SLC25A12: variants seen among roughly 807,000 people sequenced by gnomAD.
SLC25A12 encodes electrogenic aspartate/glutamate antiporter SLC25A12, mitochondrial.
In SLC25A12, 32 loss-of-function variants were observed where a neutral mutation model predicts 83.3. The ratio of observed to expected loss-of-function variants is 0.38; its 90% CI spans 0.29 to 0.52. The LOEUF (loss-of-function observed/expected upper bound fraction) is 0.52, where lower values mean the gene tolerates loss of function less well. Among genes scored for constraint, SLC25A12 ranks in the 20% least tolerant of loss-of-function variants. SLC25A12 has a pLI of 0.84. For synonymous variants in SLC25A12, 267 were observed against 291.1 expected, an observed-to-expected ratio of 0.92 and a Z score of 0.84; for missense variants, 611 against 835.6, an observed-to-expected ratio of 0.73 and a Z score of 3.31.
At chr2:171,855,122 T>C (rs951004441) in intron 4 of SLC25A12, among the ~76,000 whole-genome samples, 1 of 152,162 alleles carries the variant, frequency 6.6e-6, no homozygotes, top group African/African-American at 2.4e-5. Flanking sequence ...CTACATGGCT[T>C]TTATTGAAAA....
intron 2 of SLC25A12, among the ~76,000 whole-genome samples, chr2:171,883,000 T>G (rs1237768430): frequency 2.0e-5 from 3 of 152,180 alleles, no homozygotes; most frequent in Non-Finnish European, 4.4e-5. Flanking sequence ...TACAACATCT[T>G]AGAACCTCAT....
chr2:171,819,160 ATATAATACGTATTATATATG>A (rs1175935200), intron 9 of SLC25A12, among the ~76,000 whole-genome samples: 5 of 139,110 alleles, frequency 3.6e-5, no homozygotes, highest in South Asian at 2.1e-4. Flanking sequence ...AATATATGAT[ATATAATACGTATTATATATG>A]TATAATACGT....
intron 2 of SLC25A12, among the ~76,000 whole-genome samples, chr2:171,875,566 C>T (rs1685546244): frequency 6.6e-6 from 1 of 152,058 alleles, no homozygotes; most frequent in South Asian, 2.1e-4. Context: ...ATCTGGATGA[C>T]AGGATCAACA....
chr2:171,869,605 C>A (rs1685414467), intron 2 of SLC25A12, among the ~76,000 whole-genome samples: 1 of 152,016 alleles, frequency 6.6e-6, no homozygotes, highest in African/African-American at 2.4e-5. Context: ...TTTTTTACAT[C>A]AATAATTTTT....
At chr2:171,838,093 C>T (rs1244938931) in intron 5 of SLC25A12, among the ~76,000 whole-genome samples, 1 of 152,164 alleles carries the variant, frequency 6.6e-6, no homozygotes, top group African/African-American at 2.4e-5. Flanking sequence ...GCAAACATAA[C>T]AATGGTGCTG....
At chr2:171,880,429 T>G (rs1382741880) in intron 2 of SLC25A12, among the ~76,000 whole-genome samples, 1 of 151,918 alleles carries the variant, frequency 6.6e-6, no homozygotes, top group African/African-American at 2.4e-5. Flanking sequence ...ATTACAGGCA[T>G]GCACCACCAC....
At chr2:171,844,128 A>C (rs1021990404) in intron 5 of SLC25A12, among the ~76,000 whole-genome samples, 5 of 152,200 alleles carry the variant, frequency 3.3e-5, no homozygotes, top group Non-Finnish European at 7.3e-5. Flanking sequence ...GGATACAATT[A>C]AAAAGTATTT....
rs777792260 is a variant in SLC25A12 at position 171,888,160 on chromosome 2, T to C, written c.66+5045A>G. Among the ~76,000 whole-genome samples the C allele has an allele frequency of 6.0e-5, 9 of 150,546 alleles. No individual in the cohort carries two copies. In the South Asian group the frequency reaches 1.1e-3, roughly 18 times the overall value. On this transcript the variant is annotated intron_variant, in intron 2 of 17. Transcript: ENST00000422440. ...CCCATGCTGGAGTGCAGTGGTATAA[T>C]GATAACTCATTGTAACCTCGAACTT... is the stretch of plus-strand genomic sequence containing the variant.
intron 4 of SLC25A12, among the ~76,000 whole-genome samples, chr2:171,847,515 C>T (rs1287235231): frequency 1.3e-5 from 2 of 152,172 alleles, no homozygotes; most frequent in Non-Finnish European, 2.9e-5. Flanking sequence ...ATACATCTAA[C>T]TGAAACTGTA....
At chr2:171,835,811 C>G (rs1684543008) in intron 6 of SLC25A12, among the ~76,000 whole-genome samples, 1 of 151,244 alleles carries the variant, frequency 6.6e-6, no homozygotes, top group Non-Finnish European at 1.5e-5. Context: ...CACACACATG[C>G]CTTAACCTAA....
intron 2 of SLC25A12, among the ~76,000 whole-genome samples, chr2:171,880,932 C>G (rs1397594811): frequency 6.6e-6 from 1 of 152,132 alleles, no homozygotes; most frequent in Non-Finnish European, 1.5e-5. Context: ...TACTGTATAT[C>G]CTTGAACAAG....
chr2:171,874,670 G>A (rs1685527518), intron 2 of SLC25A12, among the ~76,000 whole-genome samples: 1 of 152,132 alleles, frequency 6.6e-6, no homozygotes, highest in Non-Finnish European at 1.5e-5. Context: ...GTTCTGTATG[G>A]CATCTACTTC....
At chr2:171,812,709 T>C (rs1432981339) in intron 11 of SLC25A12, among the ~76,000 whole-genome samples, 2 of 151,920 alleles carry the variant, frequency 1.3e-5, no homozygotes, top group Non-Finnish European at 2.9e-5. Context: ...TAACATTCCC[T>C]GCGAAAGAAA....
chr2:171,864,774 C>T (rs1461324092), intron 3 of SLC25A12, among the ~76,000 whole-genome samples: 1 of 152,182 alleles, frequency 6.6e-6, no homozygotes, highest in Non-Finnish European at 1.5e-5. Flanking sequence ...GTTAACCATG[C>T]TTTCTTGGGT....
intron 9 of SLC25A12, among the ~76,000 whole-genome samples, chr2:171,821,100 G>A (rs528118156): frequency 4.8e-4 from 63 of 132,306 alleles, no homozygotes; most frequent in African/African-American, 9.9e-4. Context: ...CGCATTCCTG[G>A]CTCACTGCAA....
rs1690512203 is a variant in SLC25A12 at position 171,787,578 on chromosome 2, C to T, written c.1828G>A (p.Gly610Arg). ...GTTGAGCAGCTGACTTACAGGCCTC[C>T]AAAATCAATGTAAAACCACCGCTGG... is the stretch of plus-strand genomic sequence containing the variant. ...LLQRWFYIDF[G>R]GLKPAGSEPT... Residue 610 changes from glycine (G) to arginine (R), a missense_variant, in exon 17 of 18, where the codon GGA becomes AGA. Gly to Arg is a moderately radical substitution (Grantham distance 125). Around this residue, in one of 3 missense-constraint regions of SLC25A12, gnomAD observed 540 missense variants for 777.5 expected, o/e 0.69. Coordinates refer to ENST00000422440, the MANE Select transcript of SLC25A12 (RefSeq NM_003705.5). The T allele has an allele frequency of 6.2e-7, 1 of 1,613,360 alleles. No homozygotes were observed. Among genetic ancestry groups the T allele is most frequent in the African/African-American group, 1.3e-5 (1 of 75,022 alleles).
In SLC25A12 at chr2:171,852,785, A is replaced by C. The variant is rs572681125; in HGVS notation, c.325+3049T>G. On this transcript the variant is annotated intron_variant, in intron 4 of 17. Coordinates refer to ENST00000422440, the MANE Select transcript of SLC25A12 (RefSeq NM_003705.5). The stretch of plus-strand genomic sequence containing the variant: ...AAGCAGTGCCTAGAAATCTTGTTAA[A>C]TGGCATTTGCTACAACAGTTTCAAT... 4.1e-4 allele frequency: 151 copies of C among 367,130 alleles called. 2 individuals are homozygous for C. The highest frequency in any genetic ancestry group is 3.2e-3 in the South Asian group (149 of 47,282). The allele number at this position is 367,130 out of a possible 1,614,324, so 22.7% of individuals were successfully genotyped here. A position where few individuals can be genotyped will look rare whatever the true frequency, so the allele number is the denominator to read the frequency against.
intron 13 of SLC25A12, among the ~76,000 whole-genome samples, chr2:171,799,976 T>C (rs1022670239): frequency 6.6e-6 from 1 of 152,164 alleles, no homozygotes; most frequent in African/African-American, 2.4e-5. Flanking sequence ...GATTCGAGTT[T>C]AACAATTAAA....
intron 9 of SLC25A12, 26 bp downstream of exon 9, chr2:171,826,772 G>A (rs1407924102): frequency 1.5e-6 from 2 of 1,316,910 alleles, no homozygotes; most frequent in Admixed American, 1.7e-5. Flanking sequence ...TTTTTAAGGT[G>A]ATCATATTTA....
Sources: gnomAD v4.1 joint callset for allele counts (sites outside exome capture counted in the v4.1 genomes callset) on GRCh38, gnomAD v4.1.1 for gene constraint, gnomAD v4.1.1 regional missense constraint, MANE v1.5 for transcripts, NCBI Gene and HGNC (gene_info 2026-07-23, HGNC 2026-07-21) for gene names.